IL1RAPL1: variants seen among roughly 807,000 people sequenced by gnomAD.
IL1RAPL1 encodes the protein interleukin 1 receptor accessory protein like 1.
Under a neutral mutation model 48.4 loss-of-function variants are expected in IL1RAPL1, and 3 were observed. That is an observed-to-expected ratio of 0.06 (90% CI 0.03 to 0.16). The LOEUF (loss-of-function observed/expected upper bound fraction) is 0.16. Among genes scored for constraint, IL1RAPL1 ranks in the 10% least tolerant of loss-of-function variants. The probability of loss-of-function intolerance (pLI) is 1.00; values close to 1 mark genes in which losing one functional copy is unlikely to be tolerated. For synonymous variants in IL1RAPL1, 185 were observed against 187.7 expected, an observed-to-expected ratio of 0.99 and a Z score of 0.12; for missense variants, 349 against 530.6, an observed-to-expected ratio of 0.66 and a Z score of 3.36.
Position 29,659,941 on chromosome X carries a change from A to C in IL1RAPL1, c.704-8489A>C, listed in dbSNP as rs1038092864. ...AAGAAAAGAGGTTTAATTGACTCAC[A>C]GTTCTGCAGGCTGTGCAGGAAGCAT... On this transcript the variant is annotated intron_variant, in intron 5 of 10. Transcript: ENST00000378993. Among the ~76,000 whole-genome samples the C allele has an allele frequency of 4.5e-5, 5 of 111,972 alleles. No homozygotes were observed. The Admixed American group carries it at 4.7e-4, about 11-fold the overall frequency.
chrX:28,767,715 ATGTGTGTGTG>A (rs35909020), intron 1 of IL1RAPL1, among the ~76,000 whole-genome samples: 5 of 101,842 alleles, frequency 4.9e-5, no homozygotes, highest in Admixed American at 1.1e-4. Context: ...AGCCTGGGGG[ATGTGTGTGTG>A]TGTGTGTGTG....
intron 2 of IL1RAPL1, among the ~76,000 whole-genome samples, chrX:29,200,863 C>T (rs1930541741): frequency 9.0e-6 from 1 of 110,564 alleles, no homozygotes; most frequent in Admixed American, 9.7e-5. Flanking sequence ...GGTATATGTA[C>T]AGGTTTGTTA....
At chrX:28,661,185 C>A (rs1387347300) in intron 1 of IL1RAPL1, among the ~76,000 whole-genome samples, 2 of 111,419 alleles carry the variant, frequency 1.8e-5, no homozygotes, top group Non-Finnish European at 3.8e-5. Flanking sequence ...TTTAAAATAC[C>A]AGCATTTATT....
At position 28,999,645 on chromosome X, in the gene IL1RAPL1, TTCCATC is replaced by T. The variant is rs1344274305; in HGVS notation, c.82+210221_82+210226del. Among the ~76,000 whole-genome samples, 27 of 112,185 alleles carry T rather than the reference TTCCATC, an allele frequency of 2.4e-4. No homozygotes were observed. The South Asian group carries it at 8.9e-3, about 37-fold the overall frequency. On this transcript the variant is annotated intron_variant, in intron 2 of 10. Transcript: ENST00000378993. ...TATCCTTTTGAAGTTCAACATTCAT[TTCCATC>T]AAGATGTACTTTAAATGCATCTTCT...
At chrX:29,760,452 G>C (rs1321675126) in intron 6 of IL1RAPL1, among the ~76,000 whole-genome samples, 1 of 111,610 alleles carries the variant, frequency 9.0e-6, no homozygotes, top group Non-Finnish European at 1.9e-5. Flanking sequence ...CAATTCTACA[G>C]TTATTTCAAA....
chrX:29,643,527 A>G (rs1163512208), intron 5 of IL1RAPL1, among the ~76,000 whole-genome samples: 1 of 112,288 alleles, frequency 8.9e-6, no homozygotes, highest in African/African-American at 3.2e-5. Context: ...TCGATTTACA[A>G]TGAGGAAAAG....
intron 1 of IL1RAPL1, among the ~76,000 whole-genome samples, chrX:28,787,389 G>T (rs1936486118): frequency 9.0e-6 from 1 of 111,140 alleles, no homozygotes; most frequent in South Asian, 3.8e-4. Context: ...GCTGGGAAAT[G>T]GTATTCGGGT....
At chrX:29,010,188 G>C (rs770432179) in intron 2 of IL1RAPL1, among the ~76,000 whole-genome samples, 27 of 111,944 alleles carry the variant, frequency 2.4e-4, no homozygotes, top group African/African-American at 8.8e-4. Flanking sequence ...CATATCATCA[G>C]TGAAAGAGAC....
intron 6 of IL1RAPL1, among the ~76,000 whole-genome samples, chrX:29,843,287 T>G (rs1035610586): frequency 1.8e-5 from 2 of 112,249 alleles, no homozygotes; most frequent in Non-Finnish European, 3.8e-5. Flanking sequence ...GTAACATGCA[T>G]GGGCCTTAGT....
chrX:29,638,963 G>C (rs1400823643), intron 5 of IL1RAPL1, among the ~76,000 whole-genome samples: 1 of 111,680 alleles, frequency 9.0e-6, no homozygotes, highest in Non-Finnish European at 1.9e-5. Context: ...GAGACGGGTA[G>C]ATCACAAGGT....
intron 6 of IL1RAPL1, among the ~76,000 whole-genome samples, chrX:29,912,871 T>G (rs920488001): frequency 1.8e-5 from 2 of 111,589 alleles, no homozygotes; most frequent in African/African-American, 6.5e-5. Flanking sequence ...TTTTTAATCC[T>G]TATTTGCCCT....
chrX:29,073,659 G>T (rs1337342115), intron 2 of IL1RAPL1, among the ~76,000 whole-genome samples: 1 of 111,610 alleles, frequency 9.0e-6, no homozygotes, highest in African/African-American at 3.3e-5. Context: ...AGACCCTCTT[G>T]GGTGAACCTG....
intron 1 of IL1RAPL1, among the ~76,000 whole-genome samples, chrX:28,634,513 G>A (rs780579767): frequency 8.9e-4 from 97 of 108,785 alleles, no homozygotes; most frequent in Middle Eastern, 4.9e-3. Flanking sequence ...ATATATATAT[G>A]AGCTCCTCAA....
At chrX:28,789,159 C>A (rs779785896) in intron 1 of IL1RAPL1, among the ~76,000 whole-genome samples, 161 bp from the exon 2 acceptor site, 9 of 111,921 alleles carry the variant, frequency 8.0e-5, no homozygotes, top group Non-Finnish European at 1.3e-4. Context: ...AACTTAGGAA[C>A]CACAACATAT....
At chrX:29,741,376 GCTGTGGCATAT>G (rs1157405095) in intron 6 of IL1RAPL1, among the ~76,000 whole-genome samples, 3 of 112,178 alleles carry the variant, frequency 2.7e-5, no homozygotes, top group Non-Finnish European at 5.6e-5. Flanking sequence ...TGAGCACACA[GCTGTGGCATAT>G]CTGTGGAACG....
At chrX:29,149,586 C>T (rs1929420020) in intron 2 of IL1RAPL1, among the ~76,000 whole-genome samples, 1 of 111,511 alleles carries the variant, frequency 9.0e-6, no homozygotes, top group Non-Finnish European at 1.9e-5. Flanking sequence ...CCTGAGCAAC[C>T]ACGGAGCCCA....
At chrX:29,486,167 T>C (rs1364219603) in intron 5 of IL1RAPL1, among the ~76,000 whole-genome samples, 1 of 111,016 alleles carries the variant, frequency 9.0e-6, no homozygotes, top group Non-Finnish European at 1.9e-5. Context: ...CAAGTCTGTC[T>C]GCATATGAGA....
intron 3 of IL1RAPL1, among the ~76,000 whole-genome samples, chrX:29,307,477 AG>A (rs1227687949): frequency 1.8e-5 from 2 of 112,013 alleles, no homozygotes; most frequent in Non-Finnish European, 3.8e-5. Flanking sequence ...GATGAAAAAA[AG>A]GAGTTATGAA....
intron 5 of IL1RAPL1, among the ~76,000 whole-genome samples, chrX:29,419,112 A>G (rs1439815238): frequency 1.8e-5 from 2 of 112,038 alleles, no homozygotes; most frequent in Non-Finnish European, 3.8e-5. Flanking sequence ...GATTGGAAAT[A>G]ATACAGTGAA....
Sources: gnomAD v4.1 joint callset for allele counts (sites outside exome capture counted in the v4.1 genomes callset) on GRCh38, gnomAD v4.1.1 for gene constraint, MANE v1.5 for transcripts, NCBI Gene and HGNC (gene_info 2026-07-23, HGNC 2026-07-21) for gene names.